PTPRT: variants seen among roughly 807,000 people sequenced by gnomAD.
The protein encoded by PTPRT is protein tyrosine phosphatase receptor type T.
A neutral mutation model predicts 176.8 loss-of-function variants in PTPRT; 56 were observed. The ratio of observed to expected loss-of-function variants is 0.32; its 90% confidence interval spans 0.26 to 0.40. The LOEUF (loss-of-function observed/expected upper bound fraction) is 0.40, where lower values mean the gene tolerates loss of function less well. PTPRT is among the 10% of genes least tolerant of loss of function. The probability of loss-of-function intolerance (pLI) is 1.00; values close to 1 mark genes in which losing one functional copy is unlikely to be tolerated. For synonymous variants in PTPRT, 783 were observed against 739.0 expected, an observed-to-expected ratio of 1.06 and a Z score of -0.96; for missense variants, 1,540 against 1,908.2, an observed-to-expected ratio of 0.81 and a Z score of 3.60.
intron 29 of PTPRT, among the ~76,000 whole-genome samples, chr20:42,083,740 T>A (rs1983595314): frequency 6.6e-6 from 1 of 152,208 alleles, no homozygotes; most frequent in Non-Finnish European, 1.5e-5. Context: ...TTCGTTCAAA[T>A]TTCCTTTAAC....
intron 4 of PTPRT, among the ~76,000 whole-genome samples, chr20:42,776,124 G>T (rs192363917): frequency 6.6e-6 from 1 of 152,120 alleles, no homozygotes; most frequent in Non-Finnish European, 1.5e-5. Flanking sequence ...CACTATCTCC[G>T]ATGCCTGACT....
the PTPRT span, among the ~76,000 whole-genome samples, chr20:42,065,685 A>G: frequency 2.6e-5 from 4 of 152,358 alleles, no homozygotes; most frequent in African/African-American, 7.2e-5. Flanking sequence ...AAACTGATAC[A>G]TTATCAGTTC....
At chr20:43,033,642 T>A (rs1490624973) in intron 1 of PTPRT, among the ~76,000 whole-genome samples, 3 of 152,136 alleles carry the variant, frequency 2.0e-5, no homozygotes, top group East Asian at 3.8e-4. Context: ...AAATGCACAA[T>A]CTCCTTCTTT....
Position 42,508,127 on chromosome 20 carries a change from T to TGTGTGTGTGTGTGTGTG in PTPRT, c.1154-35566_1154-35565insCACACACACACACACAC, listed in dbSNP as rs1555871976. 5.4e-3 allele frequency among the ~76,000 whole-genome samples: 791 copies of TGTGTGTGTGTGTGTGTG among 146,678 alleles called. 13 individuals carry two copies. Among genetic ancestry groups the TGTGTGTGTGTGTGTGTG allele is most frequent in the African/African-American group, 0.019 (732 of 38,586 alleles). On this transcript the variant is annotated intron_variant, in intron 7 of 30. Coordinates refer to ENST00000373187, the MANE Select transcript of PTPRT (RefSeq NM_007050.6). ...TTAATAAAATCAGTAATTACCCTTT[T>TGTGTGTGTGTGTGTGTG]TGTGTGTGTGTGTGTGTGTGTGTAT...
intron 3 of PTPRT, among the ~76,000 whole-genome samples, chr20:42,788,311 T>A (rs2077322019): frequency 6.6e-6 from 1 of 152,030 alleles, no homozygotes; most frequent in African/African-American, 2.4e-5. Context: ...GGATGCAAAA[T>A]GACTGACAAG....
chr20:42,300,756 GTAT>G (rs533576322), intron 12 of PTPRT, among the ~76,000 whole-genome samples: 1,516 of 148,004 alleles, frequency 0.01, 9 homozygotes, highest in Non-Finnish European at 0.014. Flanking sequence ...CTTTTTATTT[GTAT>G]TATTATTATT....
intron 1 of PTPRT, among the ~76,000 whole-genome samples, chr20:42,888,415 C>T (rs575934863): frequency 3.9e-5 from 6 of 152,228 alleles, no homozygotes; most frequent in East Asian, 1.9e-4. Flanking sequence ...TATTCGACAC[C>T]GATTACATAT....
intron 14 of PTPRT, among the ~76,000 whole-genome samples, chr20:42,238,119 T>G (rs945196805): frequency 5.9e-5 from 9 of 152,120 alleles, no homozygotes; most frequent in Admixed American, 4.6e-4. Context: ...GTTTTATAAT[T>G]AAGAGAAAAG....
intron 1 of PTPRT, among the ~76,000 whole-genome samples, chr20:42,909,315 G>A (rs1315163886): frequency 6.6e-6 from 1 of 151,988 alleles, no homozygotes; most frequent in African/African-American, 2.4e-5. Flanking sequence ...TTTCTAAAAT[G>A]CCCTGCATAC....
At chr20:42,715,414 T>A (rs186031182) in intron 6 of PTPRT, among the ~76,000 whole-genome samples, 1 of 152,290 alleles carries the variant, frequency 6.6e-6, no homozygotes, top group East Asian at 1.9e-4. Flanking sequence ...TAAAGAAAAT[T>A]GGATATAATG....
chr20:42,608,762 C>T (rs1254239228), intron 7 of PTPRT, among the ~76,000 whole-genome samples: 2 of 152,188 alleles, frequency 1.3e-5, no homozygotes, highest in Non-Finnish European at 2.9e-5. Context: ...GGGGTCCAGG[C>T]TTCTCACCGC....
chr20:42,464,946 A>T (rs1170832553), intron 8 of PTPRT, among the ~76,000 whole-genome samples: 2 of 152,168 alleles, frequency 1.3e-5, no homozygotes, highest in Admixed American at 6.5e-5. Flanking sequence ...TTCCTGAGGC[A>T]TGTCAGTCTT....
rs1016870698 is a variant in PTPRT at position 42,201,089 on chromosome 20, C to A, written c.2343-1701G>T. Among the ~76,000 whole-genome samples, 3 of 152,160 alleles carry A rather than the reference C, an allele frequency of 2.0e-5. No homozygotes were observed. The South Asian group carries it at 6.2e-4, about 32-fold the overall frequency. On this transcript the variant is annotated intron_variant, in intron 15 of 30. Transcript: ENST00000373187. The stretch of plus-strand genomic sequence containing the variant: ...CAGCACGCTGGGAGGCTGAGCTGGG[C>A]AGATCACTTGAGCCCAGGAATTGAG...
intron 7 of PTPRT, among the ~76,000 whole-genome samples, chr20:42,486,997 C>G (rs1415725062): frequency 6.6e-6 from 1 of 152,132 alleles, no homozygotes. Flanking sequence ...AAAGATAACT[C>G]AAACTATCAG....
At chr20:42,419,191 A>G (rs1217529325) in intron 9 of PTPRT, among the ~76,000 whole-genome samples, 2 of 152,188 alleles carry the variant, frequency 1.3e-5, no homozygotes, top group Admixed American at 1.3e-4. Context: ...TTTCAGTGTC[A>G]GTGTTCCAAC....
At chr20:42,592,166 C>T (rs1481601246) in intron 7 of PTPRT, among the ~76,000 whole-genome samples, 4 of 149,008 alleles carry the variant, frequency 2.7e-5, no homozygotes, top group South Asian at 2.1e-4. Flanking sequence ...TTTTTTGAGA[C>T]GGGTTTCACC....
chr20:42,497,408 G>A (rs2071674003), intron 7 of PTPRT, among the ~76,000 whole-genome samples: 1 of 151,616 alleles, frequency 6.6e-6, no homozygotes, highest in Non-Finnish European at 1.5e-5. Context: ...ATTGTCTGCT[G>A]CCTCTTGGTG....
At chr20:43,043,853 TA>T (rs1986730877) in intron 1 of PTPRT, among the ~76,000 whole-genome samples, 1 of 152,172 alleles carries the variant, frequency 6.6e-6, no homozygotes, top group Non-Finnish European at 1.5e-5. Context: ...GATTTTTTAA[TA>T]AAGTGCTTTC....
At chr20:42,206,754 G>A (rs576582493) in intron 15 of PTPRT, among the ~76,000 whole-genome samples, 24 of 152,346 alleles carry the variant, frequency 1.6e-4, no homozygotes, top group South Asian at 4.1e-4. Context: ...AAAGCAGCCC[G>A]GAAGCTCGAA....
Sources: allele counts gnomAD v4.1 joint callset (sites outside exome capture counted in the v4.1 genomes callset), GRCh38; gene constraint gnomAD v4.1.1; transcripts MANE v1.5; gene names NCBI Gene and HGNC (gene_info 2026-07-23, HGNC 2026-07-21).